CEP170: variants seen among roughly 807,000 people sequenced by gnomAD.
CEP170 encodes the protein centrosomal protein of 170 kDa.
In CEP170, 21 loss-of-function variants were observed where a neutral mutation model predicts 151.9. That is an observed-to-expected ratio of 0.14 (90% confidence interval 0.10 to 0.20). The LOEUF (loss-of-function observed/expected upper bound fraction) is 0.20, where lower values mean the gene tolerates loss of function less well. CEP170 is among the 10% of genes least tolerant of loss of function. CEP170 has a pLI of 1.00. For missense variants in CEP170, 964 were observed against 1,892.9 expected, an observed-to-expected ratio of 0.51 and a Z score of 9.11; for synonymous variants, 356 against 648.8, an observed-to-expected ratio of 0.55 and a Z score of 6.86.
intron 17 of CEP170, among the ~76,000 whole-genome samples, chr1:243,133,162 T>C (rs4037076): frequency 0.053 from 8,050 of 152,104 alleles, 321 homozygotes; most frequent in African/African-American, 0.15. Context: ...TTAAATTGCA[T>C]GGCAATTTCT....
At chr1:243,141,185 C>T (rs1379240134) in intron 15 of CEP170, among the ~76,000 whole-genome samples, 3 of 151,978 alleles carry the variant, frequency 2.0e-5, no homozygotes, top group Non-Finnish European at 2.9e-5. Flanking sequence ...CCATTTTTGC[C>T]TACTATTTAG....
At position 243,216,593 on chromosome 1, in the gene CEP170, T is replaced by G. The variant is rs190174573; in HGVS notation, c.196-4629A>C. Among the ~76,000 whole-genome samples the G allele has an allele frequency of 2.0e-5, 3 of 152,324 alleles. No homozygotes were observed. The East Asian group carries it at 5.8e-4, about 29-fold the overall frequency. ...GGATTAGGTTATTAAACTCTCATAT[T>G]TCTATGCATAAATAGCTCTTTGTAA... On this transcript the variant is annotated intron_variant, in intron 3 of 19. Coordinates refer to ENST00000366542, the MANE Select transcript of CEP170 (RefSeq NM_014812.3).
intron 10 of CEP170, among the ~76,000 whole-genome samples, chr1:243,174,403 G>T (rs1322562089): frequency 6.6e-6 from 1 of 151,110 alleles, no homozygotes; most frequent in Non-Finnish European, 1.5e-5. Context: ...TAACCAGAGA[G>T]CCTTCATTTT....
In CEP170 at chr1:243,199,177, G is replaced by A. The variant is rs1479637146; in HGVS notation, c.514C>T (p.Arg172Cys). Residue 172 changes from arginine (R) to cysteine (C), a missense_variant, in exon 7 of 20, where the codon CGT (arginine) becomes TGT (cysteine). Coordinates refer to ENST00000366542, the MANE Select transcript of CEP170 (RefSeq NM_014812.3). ...EKAMDISAMP[R>C]GTPLYGQPSW... ...GGCTGCCCATATAATGGAGTACCAC[G>A]GGGCATAGCAGAAATATCTGGAAAG... 15 of 1,610,196 alleles carry A rather than the reference G, an allele frequency of 9.3e-6. No homozygotes were observed. The highest frequency in any genetic ancestry group is 1.3e-5 in the Non-Finnish European group (15 of 1,177,884).
In CEP170 at chr1:243,255,109, C is replaced by G. The variant is rs2066512074; in HGVS notation, c.-111G>C. ...TCGCGTCCCGTGAGTCTCTCGCACGCCGTCCTCCCCCCACCTCGTCGTCGT... is the reference window on the plus strand; with the variant it reads ...TCGCGTCCCGTGAGTCTCTCGCACGGCGTCCTCCCCCCACCTCGTCGTCGT... On this transcript the variant is annotated 5_prime_UTR_variant, in exon 1 of 20. Coordinates refer to ENST00000366542, the MANE Select transcript of CEP170 (RefSeq NM_014812.3). The G allele has an allele frequency of 6.5e-6, 1 of 152,936 alleles. No individual in the cohort carries two copies. The highest frequency in any genetic ancestry group is 2.4e-5 in the African/African-American group (1 of 41,466). The allele number at this position is 152,936 out of a possible 1,614,324, so 9.5% of individuals were successfully genotyped here. A position where few individuals can be genotyped will look rare whatever the true frequency, so the allele number is the denominator to read the frequency against.
chr1:243,227,884 G>T (rs536656266), intron 1 of CEP170, among the ~76,000 whole-genome samples: 8 of 152,296 alleles, frequency 5.3e-5, no homozygotes, highest in Non-Finnish European at 8.8e-5. Context: ...GGTCATTAAG[G>T]GAATAAGCCC....
chr1:243,176,124 C>T (rs1263871660), intron 10 of CEP170, among the ~76,000 whole-genome samples: 1 of 152,076 alleles, frequency 6.6e-6, no homozygotes, highest in Non-Finnish European at 1.5e-5. Flanking sequence ...TAGTATCTCA[C>T]CTCTAGGCTC....
chr1:243,165,151 T>A lies in CEP170; in HGVS notation c.2809A>T (p.Thr937Ser). 6.2e-7 allele frequency: 1 copy of A among 1,613,590 alleles called. No individual in the cohort carries two copies. Among genetic ancestry groups the A allele is most frequent in the Non-Finnish European group, 8.5e-7 (1 of 1,179,690 alleles). The change falls in exon 13 of 20, where the codon ACA becomes TCA. Residue 937 changes from threonine to serine, a missense_variant. Coordinates refer to ENST00000366542, the MANE Select transcript of CEP170 (RefSeq NM_014812.3). Reference sequence around the variant, plus strand: ...GTAACCAGACTGATTGTACTAGCTGTATCTACATCAGATTCTGGTGAAATA... The same window carrying A: ...GTAACCAGACTGATTGTACTAGCTGAATCTACATCAGATTCTGGTGAAATA... ...NSISPESDVD[T>S]ASTISLVTGE...
intron 15 of CEP170, among the ~76,000 whole-genome samples, chr1:243,140,744 G>A (rs1283015348): frequency 1.3e-5 from 2 of 152,088 alleles, no homozygotes; most frequent in Non-Finnish European, 2.9e-5. Flanking sequence ...ACTGAAGAGG[G>A]ACTCAACCTA....
chr1:243,128,168 A>C (rs2053925383), intron 19 of CEP170, 81 bp downstream of exon 19: 2 of 1,302,778 alleles, frequency 1.5e-6, no homozygotes, highest in Non-Finnish European at 2.1e-6. Flanking sequence ...TAACATCCTA[A>C]CAATATTTTA....
chr1:243,155,544 A>C (rs1336428705), intron 14 of CEP170, among the ~76,000 whole-genome samples: 3 of 152,124 alleles, frequency 2.0e-5, no homozygotes, highest in Non-Finnish European at 4.4e-5. Context: ...TTAAACAAAA[A>C]ATCCTTATAT....
At chr1:243,229,086 C>A (rs1312874806) in intron 1 of CEP170, among the ~76,000 whole-genome samples, 3 of 152,180 alleles carry the variant, frequency 2.0e-5, no homozygotes, top group African/African-American at 7.2e-5. Context: ...TATTAAGACA[C>A]TCTTTTTCTA....
intron 1 of CEP170, among the ~76,000 whole-genome samples, chr1:243,240,243 G>A (rs2149119831): frequency 6.6e-6 from 1 of 152,284 alleles, no homozygotes; most frequent in Middle Eastern, 3.4e-3. Context: ...CTGGGAGGTG[G>A]AGGTTGCAGT....
chr1:243,153,372 G>A (rs2057285990), intron 14 of CEP170, among the ~76,000 whole-genome samples: 1 of 152,196 alleles, frequency 6.6e-6, no homozygotes, highest in Non-Finnish European at 1.5e-5. Flanking sequence ...CTGCAGTTTT[G>A]AAAGAAGTTC....
intron 13 of CEP170, among the ~76,000 whole-genome samples, chr1:243,159,763 T>TTTTGTGTGTGTGTGTGTGTG (rs1553343086): frequency 2.4e-5 from 3 of 127,076 alleles, no homozygotes; most frequent in Non-Finnish European, 5.0e-5. Context: ...GTTTCCGGTT[T>TTTTGTGTGTGTGTGTGTGTG]TGTGTGTGTG....
At chr1:243,136,088 AAAAGC>A (rs2055038628) in intron 17 of CEP170, 50 bp downstream of exon 17, 2 of 1,543,188 alleles carry the variant, frequency 1.3e-6, no homozygotes, top group Admixed American at 4.2e-5. Flanking sequence ...AACCTTGAGA[AAAAGC>A]AAAAAGCAAA....
At chr1:243,129,565 A>C (rs1330511802) in intron 17 of CEP170, 112 bp from the exon 18 acceptor site, 3 of 898,046 alleles carry the variant, frequency 3.3e-6, no homozygotes, top group Admixed American at 3.6e-5. Context: ...AAGAAAAAAA[A>C]CCAACCACCG....
chr1:243,186,470 T>C (rs781115390), intron 8 of CEP170, 48 bp from the exon 9 acceptor site: 73 of 1,530,166 alleles, frequency 4.8e-5, no homozygotes, highest in Middle Eastern at 1.8e-4. Flanking sequence ...AAGTCCCATG[T>C]AGAAATTTAG....
At chr1:243,194,876 C>T (rs2060540705) in intron 7 of CEP170, among the ~76,000 whole-genome samples, 3 of 151,706 alleles carry the variant, frequency 2.0e-5, no homozygotes, top group Admixed American at 2.0e-4. Flanking sequence ...ATTGATTATG[C>T]CATAATTAAT....
Sources: allele counts gnomAD v4.1 joint callset (sites outside exome capture counted in the v4.1 genomes callset), GRCh38; gene constraint gnomAD v4.1.1; transcripts MANE v1.5; gene names NCBI Gene and HGNC (gene_info 2026-07-23, HGNC 2026-07-21).